PRDM16: variants seen among roughly 807,000 people sequenced by gnomAD.
PRDM16 encodes PR/SET domain 16, also known as histone-lysine N-methyltransferase PRDM16.
A neutral mutation model predicts 110.6 loss-of-function variants in PRDM16; 23 were observed. That is an observed-to-expected ratio of 0.21 (90% confidence interval 0.15 to 0.29). The LOEUF (loss-of-function observed/expected upper bound fraction) is 0.29, where lower values mean the gene tolerates loss of function less well. Ranked by LOEUF, PRDM16 falls within the 10% of genes least tolerant of loss-of-function variation. The pLI, the probability that PRDM16 is intolerant of heterozygous loss-of-function variation, is 1.00. For synonymous variants in PRDM16, 799 were observed against 781.8 expected, an observed-to-expected ratio of 1.02 and a Z score of -0.37; for missense variants, 1,615 against 1,794.3, an observed-to-expected ratio of 0.90 and a Z score of 1.81.
At chr1:3,112,316 AATG>A (rs1343700863) in intron 1 of PRDM16, among the ~76,000 whole-genome samples, 2 of 152,172 alleles carry the variant, frequency 1.3e-5, no homozygotes, top group Non-Finnish European at 2.9e-5. Context: ...ACTTATACGA[AATG>A]ATGAAATTTC....
At chr1:3,227,098 G>A (rs868731499) in intron 2 of PRDM16, among the ~76,000 whole-genome samples, 27 of 152,336 alleles carry the variant, frequency 1.8e-4, no homozygotes, top group Middle Eastern at 3.4e-3. Flanking sequence ...GAACATCCAC[G>A]CTCTTTCCAG....
chr1:3,193,223 G>A (rs1213611932), intron 2 of PRDM16, among the ~76,000 whole-genome samples: 1 of 152,240 alleles, frequency 6.6e-6, no homozygotes, highest in Non-Finnish European at 1.5e-5. Context: ...CTGACGCTGT[G>A]GAAGGATGCA....
At chr1:3,262,311 T>C (rs369861456) in intron 3 of PRDM16, among the ~76,000 whole-genome samples, 15 of 152,208 alleles carry the variant, frequency 9.9e-5, no homozygotes, top group Admixed American at 6.5e-4. Flanking sequence ...CCCCAGGGAC[T>C]CCACATTATT....
chr1:3,151,423 C>T (rs1643773742), intron 1 of PRDM16, among the ~76,000 whole-genome samples: 2 of 152,252 alleles, frequency 1.3e-5, no homozygotes, highest in Admixed American at 1.3e-4. Flanking sequence ...GTGGGGTCCA[C>T]CTTGCCCAGC....
chr1:3,243,803 G>A lies in PRDM16; in HGVS notation c.388-284G>A, dbSNP rs568475348. Among the ~76,000 whole-genome samples, 1 of 152,266 alleles carries A rather than the reference G, an allele frequency of 6.6e-6. No individual in the cohort carries two copies. The highest frequency in any genetic ancestry group is 1.9e-4 in the East Asian group (1 of 5,172). On this transcript the variant is annotated intron_variant, in intron 2 of 16. Coordinates refer to ENST00000270722, the MANE Select transcript of PRDM16 (RefSeq NM_022114.4). This position sits in a 1 kb window ranked among gnomAD's most constrained non-coding sequence, Gnocchi z 5.5. ...CTGGGTCCCCACCCAACCACTAAAG[G>A]GCCAGAGTGAGCTACACAGTGTGTC... is the stretch of plus-strand genomic sequence containing the variant.
chr1:3,397,179 G>A (rs1398091116), intron 5 of PRDM16, among the ~76,000 whole-genome samples: 1 of 152,240 alleles, frequency 6.6e-6, no homozygotes, highest in Non-Finnish European at 1.5e-5. Context: ...AAGTGTTAGG[G>A]GAAGTTTCAT....
intron 2 of PRDM16, among the ~76,000 whole-genome samples, chr1:3,236,287 G>A (rs75476550): frequency 0.015 from 2,287 of 152,290 alleles, 64 homozygotes; most frequent in African/African-American, 0.052. Flanking sequence ...GGCCTGGCGG[G>A]GGGTGGCTTC....
chr1:3,204,946 GC>G (rs1638719851), intron 2 of PRDM16, among the ~76,000 whole-genome samples: 1 of 152,318 alleles, frequency 6.6e-6, no homozygotes, highest in African/African-American at 2.4e-5. Flanking sequence ...AGCTGGGAAG[GC>G]CCCGCGGGAT....
chr1:3,115,848 C>G (rs1187925583), intron 1 of PRDM16, among the ~76,000 whole-genome samples: 1 of 152,206 alleles, frequency 6.6e-6, no homozygotes, highest in Non-Finnish European at 1.5e-5. Context: ...CTGGCTCTGC[C>G]CACCTCTTCT....
chr1:3,282,946 G>C (rs757653400), intron 3 of PRDM16, among the ~76,000 whole-genome samples: 23 of 152,216 alleles, frequency 1.5e-4, no homozygotes, highest in Non-Finnish European at 3.1e-4. Flanking sequence ...GAGGAGGGGC[G>C]TCTCCCTTCC....
intron 1 of PRDM16, among the ~76,000 whole-genome samples, chr1:3,070,900 G>A (rs911304195): frequency 6.6e-6 from 1 of 152,226 alleles, no homozygotes; most frequent in African/African-American, 2.4e-5. Flanking sequence ...CTCCGCTGCC[G>A]GGTGCCCTCG....
In PRDM16 at chr1:3,080,891, G is replaced by A. The variant is rs573765274; in HGVS notation, c.37+11595G>A. Among the ~76,000 whole-genome samples the A allele has an allele frequency of 3.9e-4, 60 of 152,222 alleles. No individual in the cohort carries two copies. Among genetic ancestry groups the A allele is most frequent in the Middle Eastern group, 6.8e-3 (2 of 294 alleles). On this transcript the variant is annotated intron_variant, in intron 1 of 16. Coordinates refer to ENST00000270722, the MANE Select transcript of PRDM16 (RefSeq NM_022114.4). The surrounding 1 kb of genome is among the most constrained non-coding windows in gnomAD (Gnocchi z 5.2). ...CACATGAGTAGCAGAACCCCGGCCC[G>A]AGCACCCAACGCTTCCCGGAGAGCT...
At position 3,209,599 on chromosome 1, in the gene PRDM16, G is replaced by A. The variant is rs1440480685; in HGVS notation, c.387+23125G>A. ...GCGCGTGGAAGCTGAGCGCCTCAGT[G>A]GAATGTCCTGGAACCTCACTTCGGG... is the stretch of plus-strand genomic sequence containing the variant. On this transcript the variant is annotated intron_variant, in intron 2 of 16. Coordinates refer to ENST00000270722, the MANE Select transcript of PRDM16 (RefSeq NM_022114.4). This position sits in a 1 kb window ranked among gnomAD's most constrained non-coding sequence, Gnocchi z 4.6. 6.6e-6 allele frequency among the ~76,000 whole-genome samples: 1 copy of A among 152,232 alleles called. No homozygotes were observed. The highest frequency in any genetic ancestry group is 2.4e-5 in the African/African-American group (1 of 41,452).
chr1:3,225,530 C>CTGTGTGTGTG (rs57169358), intron 2 of PRDM16, among the ~76,000 whole-genome samples: 4 of 139,048 alleles, frequency 2.9e-5, no homozygotes, highest in African/African-American at 8.1e-5. Context: ...TGCAGCTTGC[C>CTGTGTGTGTG]TGTGTGTGTG....
In PRDM16 at chr1:3,165,084, C is replaced by T. The variant is rs1000228257; in HGVS notation, c.38-21041C>T. Reference sequence around the variant, plus strand: ...GCCTGGTAGGCCAGTCACAGGAGCTCCGGGCCCCCCTCTGCCTGGCCCTTC... The same window carrying T: ...GCCTGGTAGGCCAGTCACAGGAGCTTCGGGCCCCCCTCTGCCTGGCCCTTC... On this transcript the variant is annotated intron_variant, in intron 1 of 16. Coordinates refer to ENST00000270722, the MANE Select transcript of PRDM16 (RefSeq NM_022114.4). Among the ~76,000 whole-genome samples, 101 of 152,244 alleles carry T rather than the reference C, an allele frequency of 6.6e-4. 1 individual carries two copies. The highest frequency in any genetic ancestry group is 2.1e-3 in the African/African-American group (86 of 41,464).
chr1:3,129,930 G>A (rs963331750), intron 1 of PRDM16, among the ~76,000 whole-genome samples: 2 of 152,170 alleles, frequency 1.3e-5, no homozygotes, highest in African/African-American at 4.8e-5. Flanking sequence ...GGCCCCAGCA[G>A]GGTCTCAGCC....
At chr1:3,369,144 A>G (rs1399389824) in intron 3 of PRDM16, among the ~76,000 whole-genome samples, 2 of 152,180 alleles carry the variant, frequency 1.3e-5, no homozygotes, top group Non-Finnish European at 2.9e-5. Context: ...ATATTTTGTC[A>G]AAGGTGACTA....
chr1:3,432,206 T>G, intron 16 of PRDM16, 66 bp downstream of exon 16: 1 of 1,457,062 alleles, frequency 6.9e-7, no homozygotes. Context: ...CAGCCAGCAC[T>G]CCTCTCCCGC....
chr1:3,295,125 G>C (rs949697601), intron 3 of PRDM16, among the ~76,000 whole-genome samples: 14 of 152,326 alleles, frequency 9.2e-5, no homozygotes, highest in Admixed American at 7.8e-4. Flanking sequence ...CCAGGTTGTG[G>C]CCAGCCCGTC....
Sources: allele counts gnomAD v4.1 joint callset (sites outside exome capture counted in the v4.1 genomes callset), GRCh38; gene constraint gnomAD v4.1.1; non-coding constraint Gnocchi (gnomAD v3.1); transcripts MANE v1.5; gene names NCBI Gene and HGNC (gene_info 2026-07-23, HGNC 2026-07-21).